SF1: variants seen among roughly 807,000 people sequenced by gnomAD.
SF1 encodes the protein branch point-binding protein.
SF1 carries 7 observed loss-of-function variants against 62.5 expected under a neutral mutation model. The observed-to-expected ratio is 0.11, with a 90% CI of 0.06 to 0.21. The LOEUF is 0.21. Among genes scored for constraint, SF1 ranks in the 10% least tolerant of loss-of-function variants. The pLI, the probability that SF1 is intolerant of heterozygous loss-of-function variation, is 1.00. For synonymous variants in SF1, 394 were observed against 323.6 expected (o/e 1.22, Z -2.33); for missense variants, 578 against 884.0 (o/e 0.65, Z 4.39).
intron 1 of SF1, 53 bp from the exon 2 acceptor site, chr11:64,776,679 G>C (rs749363200): frequency 1.9e-6 from 3 of 1,569,732 alleles, no homozygotes; most frequent in Admixed American, 3.6e-5. Flanking sequence ...GTTATCAACA[G>C]ACAGCTAAGG....
chr11:64,769,928 A>G, intron 5 of SF1, 36 bp downstream of exon 5: 2 of 1,505,614 alleles, frequency 1.3e-6, no homozygotes, highest in Non-Finnish European at 1.8e-6. Flanking sequence ...CAGGCTCTAA[A>G]GGAATTCTAT....
chr11:64,777,945 C>T, intron 1 of SF1: 1 of 985,012 alleles, frequency 1.0e-6, no homozygotes, highest in African/African-American at 1.8e-5. Flanking sequence ...GCGGCCGGGC[C>T]CGTCCGCGCG....
At chr11:64,770,163 A>T in intron 4 of SF1, 93 bp downstream of exon 4, 3 of 1,559,670 alleles carry the variant, frequency 1.9e-6, no homozygotes, top group Non-Finnish European at 2.6e-6. Flanking sequence ...GACTTGAGGC[A>T]AGAGGTGAGT....
chr11:64,772,665 T>G (rs1465107822), intron 3 of SF1: 1 of 985,240 alleles, frequency 1.0e-6, no homozygotes, highest in East Asian at 1.1e-4. Flanking sequence ...AATGACCAAT[T>G]TTAGCTGTTC....
intron 3 of SF1, chr11:64,771,862 T>G (rs746791190): frequency 1.1e-5 from 11 of 985,436 alleles, no homozygotes; most frequent in Non-Finnish European, 1.2e-5. Context: ...CCCTCCAACC[T>G]GGGCTCAAAA....
At chr11:64,776,149 G>A (rs182483110) in intron 2 of SF1, 8 of 247,676 alleles carry the variant, frequency 3.2e-5, no homozygotes, top group East Asian at 1.6e-4. Context: ...CAGTACCTGC[G>A]GTGTTCTCCA....
At chr11:64,775,188 T>C (rs1359518752) in intron 2 of SF1, among the ~76,000 whole-genome samples, 2 of 152,046 alleles carry the variant, frequency 1.3e-5, no homozygotes, top group Admixed American at 1.3e-4. Context: ...CTGATCTAAA[T>C]AAAAAGGGTC....
Position 64,778,532 on chromosome 11 carries a change from G to A in SF1, c.-140C>T, listed in dbSNP as rs1939799949. The A allele has an allele frequency of 8.3e-7, 1 of 1,198,010 alleles. No homozygotes were observed. The highest frequency in any genetic ancestry group is 1.0e-6 in the Non-Finnish European group (1 of 965,806). The allele number at this position is 1,198,010 out of a possible 1,614,324, so 74.2% of individuals were successfully genotyped here. ...CTCTCACGCGGCGGGCGGCGGCGGC[G>A]CGAGACGCACAAAGAGGGAGGAGAG... On this transcript the variant is annotated 5_prime_UTR_variant, in exon 1 of 13. Transcript: ENST00000377390.
At chr11:64,777,796 C>G (rs1939577204) in intron 1 of SF1, 22 of 982,424 alleles carry the variant, frequency 2.2e-5, no homozygotes, top group Non-Finnish European at 2.7e-5. Flanking sequence ...CCAGCCCTCC[C>G]CCCACAGCGC....
Position 64,769,349 on chromosome 11 carries a change from T to C in SF1, c.664-11A>G, listed in dbSNP as rs1365075267. On this transcript the variant is annotated splice_polypyrimidine_tract_variant and intron_variant, in intron 6 of 12. Coordinates refer to ENST00000377390, the MANE Select transcript of SF1 (RefSeq NM_004630.4). Reference sequence around the variant, plus strand: ...CAGGATGTTTCTTATCTAGTGAAAATGCAATGGACAGTTAAGTGCTTAGGG... The same window carrying C: ...CAGGATGTTTCTTATCTAGTGAAAACGCAATGGACAGTTAAGTGCTTAGGG... The C allele has an allele frequency of 1.2e-6, 2 of 1,613,920 alleles. No individual in the cohort carries two copies. Among genetic ancestry groups the C allele is most frequent in the African/African-American group, 1.3e-5 (1 of 74,914 alleles).
intron 10 of SF1, 40 bp downstream of exon 10, chr11:64,767,531 T>C (rs2058766867): frequency 1.3e-6 from 2 of 1,518,692 alleles, no homozygotes; most frequent in Non-Finnish European, 1.8e-6. Context: ...CCCTTGCTTA[T>C]CCCAAAGCCC....
At position 64,778,039 on chromosome 11, in the gene SF1, T is replaced by C. The variant is rs71541928; in HGVS notation, c.31+323A>G. On this transcript the variant is annotated intron_variant, in intron 1 of 12. Coordinates refer to ENST00000377390, the MANE Select transcript of SF1 (RefSeq NM_004630.4). ...GCTGGTCCTTACGCGGCGGCTGGGG[T>C]GGCGGCGGCTGCGGCGGCGACACGC... The C allele has an allele frequency of 9.1e-4, 915 of 1,005,160 alleles. 11 individuals are homozygous for C. The Middle Eastern group carries it at 0.016, about 17-fold the overall frequency. The allele number at this position is 1,005,160 out of a possible 1,614,324, so 62.3% of individuals were successfully genotyped here. A position where few individuals can be genotyped will look rare whatever the true frequency, so the allele number is the denominator to read the frequency against.
At position 64,766,149 on chromosome 11, in the gene SF1, G is replaced by C. The variant is rs372358136; in HGVS notation, c.1589C>G (p.Thr530Arg). The C allele has an allele frequency of 5.6e-6, 9 of 1,604,776 alleles. No individual in the cohort carries two copies. The highest frequency in any genetic ancestry group is 7.6e-6 in the Non-Finnish European group (9 of 1,179,610). Residue 530 changes from threonine to arginine, a missense_variant, in exon 13 of 13, where the codon ACG (threonine) becomes AGG (arginine). Physicochemically the swap from Thr to Arg is moderately conservative, Grantham distance 71 (BLOSUM62 -1). Around this residue, in one of 7 missense-constraint regions of SF1, gnomAD observed 410 missense variants for 452.4 expected, o/e 0.91. Transcript: ENST00000377390. ...TGTGCCAGCGCTCGTGGTGGTAGTC[G>C]TCGTATCTGGGGTGGTAAAGAAGCC... Reference protein sequence around the residue: ...STPLPWQQNTTTTTTSAGTGS... With the variant: ...STPLPWQQNTRTTTTSAGTGS...
intron 2 of SF1, chr11:64,775,908 C>T (rs2135973909): frequency 6.5e-6 from 1 of 152,918 alleles, no homozygotes; most frequent in East Asian, 1.9e-4. Context: ...ATACAAGAGC[C>T]TTCATTTTAA....
chr11:64,767,384 A>C, intron 10 of SF1, 133 bp from the exon 11 acceptor site: 1 of 1,064,340 alleles, frequency 9.4e-7, no homozygotes. Context: ...GTCTGTGCTT[A>C]CCCAACACAG....
intron 2 of SF1, among the ~76,000 whole-genome samples, chr11:64,774,505 A>G (rs965932508): frequency 8.5e-5 from 13 of 152,212 alleles, no homozygotes; most frequent in Admixed American, 8.5e-4. Context: ...AGGCATCTCC[A>G]ATAAGGGCAA....
chr11:64,765,507 C>T lies in SF1; in HGVS notation c.*311G>A, dbSNP rs771746896. The T allele has an allele frequency of 3.7e-6, 6 of 1,609,396 alleles. No homozygotes were observed. Among genetic ancestry groups the T allele is most frequent in the East Asian group, 2.2e-5 (1 of 44,472 alleles). ...CTCATGGCTCGGGCCATCGCCGCCG[C>T]GGGGAGGGATCCTGGCGGCCCGGTT... is the stretch of plus-strand genomic sequence containing the variant. On this transcript the variant is annotated 3_prime_UTR_variant, in exon 13 of 13. Coordinates refer to ENST00000377390, the MANE Select transcript of SF1 (RefSeq NM_004630.4).
intron 3 of SF1, chr11:64,771,913 T>C (rs553111703): frequency 5.9e-5 from 58 of 985,414 alleles, no homozygotes; most frequent in Non-Finnish European, 6.7e-5. Flanking sequence ...CAAAACTGAA[T>C]AGAAGGGAGG....
Position 64,769,099 on chromosome 11 carries a change from G to A in SF1, c.810C>T (p.Thr270=), listed in dbSNP as rs769522359. 4.3e-6 allele frequency: 7 copies of A among 1,614,130 alleles called. 1 individual carries two copies. Among genetic ancestry groups the A allele is most frequent in the Admixed American group, 1.7e-5 (1 of 60,020 alleles). Residue 270 remains threonine (T), a synonymous_variant, in exon 8 of 13, where the codon ACC becomes ACT. Coordinates refer to ENST00000377390, the MANE Select transcript of SF1 (RefSeq NM_004630.4). ...RILRPWQSSE[T]RSITNTTVCT... Reference sequence around the variant, plus strand: ...ACACTGTGGTGTTGGTAATGCTGCGGGTCTCTGAGCTCTGCCAGGGTCTTA... The same window carrying A: ...ACACTGTGGTGTTGGTAATGCTGCGAGTCTCTGAGCTCTGCCAGGGTCTTA...
Sources: gnomAD v4.1 joint callset for allele counts (sites outside exome capture counted in the v4.1 genomes callset) on GRCh38, gnomAD v4.1.1 for gene constraint, gnomAD v4.1.1 regional missense constraint, MANE v1.5 for transcripts, NCBI Gene and HGNC (gene_info 2026-07-23, HGNC 2026-07-21) for gene names.